Variants in COL11A1 observed in about 807,000 individuals in gnomAD.
COL11A1 encodes the protein collagen type XI alpha 1 chain.
COL11A1 carries 74 observed loss-of-function variants against 265.2 expected under a neutral mutation model. The observed-to-expected ratio is 0.28, with a 90% CI of 0.23 to 0.34. The LOEUF (loss-of-function observed/expected upper bound fraction) is 0.34, where lower values mean the gene tolerates loss of function less well. COL11A1 is among the 10% of genes least tolerant of loss of function. The pLI, the probability that COL11A1 is intolerant of heterozygous loss-of-function variation, is 1.00. For synonymous variants in COL11A1, 816 were observed against 727.6 expected (o/e 1.12, Z -1.96); for missense variants, 2,165 against 2,263.6 (o/e 0.96, Z 0.88).
intron 64 of COL11A1, 28 bp downstream of exon 64, chr1:102,883,171 T>A (rs1650468845): frequency 6.9e-7 from 1 of 1,448,848 alleles, no homozygotes; most frequent in African/African-American, 1.4e-5. Context: ...ACTGTCAACA[T>A]TCACCACCAA....
At chr1:102,887,847 G>A (rs1386843359) in intron 62 of COL11A1, among the ~76,000 whole-genome samples, 2 of 152,244 alleles carry the variant, frequency 1.3e-5, no homozygotes, top group South Asian at 4.1e-4. Flanking sequence ...ATAATGTGAA[G>A]AGACACAGGG....
In COL11A1 at chr1:102,934,624, GT is replaced by G. The variant is rs1449533433; in HGVS notation, c.3493-69del. ...ATTACGATATGAGTCATTAAAAAAT[GT>G]GGCCATTTCTAATTTAATCAAAGCA... On this transcript the variant is annotated intron_variant, in intron 45 of 66. Transcript: ENST00000370096. 3.2e-6 allele frequency: 4 copies of G among 1,266,240 alleles called. No homozygotes were observed. The African/African-American group carries it at 5.9e-5, about 19-fold the overall frequency. 78.4% of individuals were successfully genotyped at this position (1,266,240 alleles called of 1,614,324 possible).
At position 102,987,681 on chromosome 1, in the gene COL11A1, T is replaced by A. The variant is rs1490554918; in HGVS notation, c.2454A>T (p.Arg818=). The change falls in exon 30 of 67, where the codon CGA becomes CGT. Residue 818 remains arginine (R), a synonymous_variant. Transcript: ENST00000370096. ...GACCTGGGTCTCCAGTTGGGCCTGC[T>A]CGACCTTTGGGTCCTTCAGGGCCAT... is the stretch of plus-strand genomic sequence containing the variant. ...GEDGPEGPKG[R]AGPTGDPGPS... The A allele has an allele frequency of 3.1e-6, 5 of 1,613,650 alleles. No individual in the cohort carries two copies. The highest frequency in any genetic ancestry group is 4.2e-6 in the Non-Finnish European group (5 of 1,179,726).
chr1:103,011,754 C>T (rs146891633), intron 14 of COL11A1, among the ~76,000 whole-genome samples: 28 of 152,068 alleles, frequency 1.8e-4, no homozygotes, highest in African/African-American at 6.0e-4. Context: ...TCCATCTATT[C>T]TAAAATTAAT....
At chr1:102,932,712 A>G (rs1657625263) in intron 46 of COL11A1, among the ~76,000 whole-genome samples, 1 of 151,410 alleles carries the variant, frequency 6.6e-6, no homozygotes, top group Admixed American at 6.6e-5. Flanking sequence ...CATTCTCCCT[A>G]TCACTTTCAG....
chr1:103,033,758 G>T (rs1453643071), intron 4 of COL11A1, among the ~76,000 whole-genome samples: 2 of 152,084 alleles, frequency 1.3e-5, no homozygotes, highest in African/African-American at 4.8e-5. Context: ...TCTTGAAAGG[G>T]AACTTTATTA....
At chr1:103,024,831 T>A (rs1041961001) in intron 7 of COL11A1, among the ~76,000 whole-genome samples, 1 of 152,168 alleles carries the variant, frequency 6.6e-6, no homozygotes, top group Non-Finnish European at 1.5e-5. Flanking sequence ...ATTCATTTCC[T>A]GATAAAATTA....
chr1:103,108,013 G>T, intron 1 of COL11A1, 60 bp downstream of exon 1: 9 of 1,206,496 alleles, frequency 7.5e-6, no homozygotes, highest in Non-Finnish European at 1.1e-5. Flanking sequence ...TGGGGGGAGG[G>T]GCGCAGAAGC....
At chr1:102,895,725 G>C (rs1056424074) in intron 57 of COL11A1, among the ~76,000 whole-genome samples, 1 of 150,322 alleles carries the variant, frequency 6.7e-6, no homozygotes, top group Non-Finnish European at 1.5e-5. Flanking sequence ...TTTAATAATC[G>C]TATCATATTT....
chr1:103,083,702 T>G (rs1255151271), intron 1 of COL11A1, among the ~76,000 whole-genome samples: 8 of 152,210 alleles, frequency 5.3e-5, no homozygotes, highest in Non-Finnish European at 8.8e-5. Flanking sequence ...TATCTATATG[T>G]AATTTATCGA....
At chr1:103,096,163 C>G (rs1435415702) in intron 1 of COL11A1, among the ~76,000 whole-genome samples, 1 of 151,824 alleles carries the variant, frequency 6.6e-6, no homozygotes. Flanking sequence ...TCATTTTATG[C>G]TTTCAGACCA....
chr1:103,078,402 C>T (rs1350907201), intron 3 of COL11A1, among the ~76,000 whole-genome samples: 3 of 152,060 alleles, frequency 2.0e-5, no homozygotes, highest in Non-Finnish European at 4.4e-5. Context: ...ACTGCCACAC[C>T]CTAACCTCTT....
chr1:103,068,218 G>T (rs1430708394), intron 4 of COL11A1, among the ~76,000 whole-genome samples: 1 of 151,430 alleles, frequency 6.6e-6, no homozygotes, highest in African/African-American at 2.4e-5. Flanking sequence ...GGAATTATAT[G>T]TTACATTAAT....
At chr1:102,898,104 G>A (rs1167007346) in intron 57 of COL11A1, 21 bp downstream of exon 57, 9 of 1,527,618 alleles carry the variant, frequency 5.9e-6, no homozygotes, top group Non-Finnish European at 5.4e-6. Flanking sequence ...CTTTTTAAAT[G>A]ACTGAAAAGA....
At chr1:103,097,077 A>G (rs1673833784) in intron 1 of COL11A1, among the ~76,000 whole-genome samples, 2 of 152,026 alleles carry the variant, frequency 1.3e-5, no homozygotes, top group African/African-American at 4.8e-5. Flanking sequence ...CAGAAAAAAC[A>G]ACATGGCCCC....
At chr1:103,047,242 T>C (rs915416618) in intron 4 of COL11A1, among the ~76,000 whole-genome samples, 2 of 152,222 alleles carry the variant, frequency 1.3e-5, no homozygotes, top group Admixed American at 6.5e-5. Flanking sequence ...CCCATGAGCA[T>C]GGAATGTTCT....
chr1:102,990,309 T>C (rs967849759), intron 28 of COL11A1, among the ~76,000 whole-genome samples: 6 of 148,402 alleles, frequency 4.0e-5, no homozygotes, highest in Non-Finnish European at 7.4e-5. Flanking sequence ...AATTTACTAA[T>C]TTATGCCTAT....
chr1:103,011,699 A>T (rs1666143289), intron 14 of COL11A1, among the ~76,000 whole-genome samples: 1 of 132,098 alleles, frequency 7.6e-6, no homozygotes, highest in African/African-American at 3.1e-5. Flanking sequence ...TAAATAGCAG[A>T]AAAAATTTAT....
chr1:102,941,396 T>C (rs1438053433), intron 42 of COL11A1, among the ~76,000 whole-genome samples: 1 of 152,176 alleles, frequency 6.6e-6, no homozygotes, highest in African/African-American at 2.4e-5. Flanking sequence ...AATCAGATCA[T>C]GTTACCTACA....
Sources: gnomAD v4.1 joint callset for allele counts (sites outside exome capture counted in the v4.1 genomes callset) on GRCh38, gnomAD v4.1.1 for gene constraint, MANE v1.5 for transcripts, NCBI Gene and HGNC (gene_info 2026-07-23, HGNC 2026-07-21) for gene names.